Variants in POU2F1 observed in about 807,000 individuals in gnomAD.
The protein encoded by POU2F1 is POU domain, class 2, transcription factor 1.
Under a neutral mutation model 84.9 loss-of-function variants are expected in POU2F1, and 16 were observed. That is an observed-to-expected ratio of 0.19 (90% CI 0.13 to 0.29). The LOEUF is 0.29. Ranked by LOEUF, POU2F1 falls within the 10% of genes least tolerant of loss-of-function variation. The pLI is 1.00. For missense variants in POU2F1, 738 were observed against 942.6 expected (o/e 0.78, Z 2.84); for synonymous variants, 368 against 368.3 (o/e 1.00, Z 0.01).
In POU2F1 at chr1:167,371,894, A is replaced by T. The variant is rs932666119; in HGVS notation, c.283-23A>T. 7 of 1,613,896 alleles carry T rather than the reference A, an allele frequency of 4.3e-6. No homozygotes were observed. In the East Asian group the frequency reaches 1.6e-4, roughly 36 times the overall value. On this transcript the variant is annotated intron_variant, in intron 4 of 15. Transcript: ENST00000367866. ...TTTAATCAACCATTTGCAATCTTTT[A>T]TTTCCTACCCACCCCACCTCAGTCT...
chr1:167,402,111 T>G (rs561589831), intron 13 of POU2F1, among the ~76,000 whole-genome samples: 1 of 152,366 alleles, frequency 6.6e-6, no homozygotes, highest in African/African-American at 2.4e-5. Context: ...CATGACATAC[T>G]CACTATAAAA....
intron 9 of POU2F1, among the ~76,000 whole-genome samples, chr1:167,393,020 A>G (rs546042296): frequency 2.6e-5 from 4 of 152,352 alleles, no homozygotes; most frequent in Admixed American, 2.0e-4. Context: ...TTATTAAAGG[A>G]TTACCATGGC....
At position 167,239,454 on chromosome 1, in the gene POU2F1, G is replaced by T. The variant is rs988074597; in HGVS notation, c.61+18496G>T. On this transcript the variant is annotated intron_variant, in intron 1 of 15. Coordinates refer to ENST00000367866, the MANE Select transcript of POU2F1 (RefSeq NM_002697.4). ...TATGTAAAAGTGCTGTCCATGGGCAGCAGTTCAAGGGGTAATTTTAATTCG... is the reference window on the plus strand; with the variant it reads ...TATGTAAAAGTGCTGTCCATGGGCATCAGTTCAAGGGGTAATTTTAATTCG... Among the ~76,000 whole-genome samples, 17 of 152,294 alleles carry T rather than the reference G, an allele frequency of 1.1e-4. No homozygotes were observed. In the East Asian group the frequency reaches 3.3e-3, roughly 29 times the overall value.
Position 167,419,465 on chromosome 1 carries a change from G to A in POU2F1, c.*3655G>A, listed in dbSNP as rs1650512173. ...TGGTAATGGGTCCTCCCTAAGGAGT[G>A]GTGAATGTAATTGTGTGAATCCTGC... On this transcript the variant is annotated 3_prime_UTR_variant, in exon 16 of 16. Transcript: ENST00000367866. 1 of 152,160 alleles carries A rather than the reference G, an allele frequency of 6.6e-6. No homozygotes were observed. Among genetic ancestry groups the A allele is most frequent in the South Asian group, 2.1e-4 (1 of 4,828 alleles). The allele number at this position is 152,160 out of a possible 1,614,324, so 9.4% of individuals were successfully genotyped here. A position where few individuals can be genotyped will look rare whatever the true frequency, so the allele number is the denominator to read the frequency against.
At chr1:167,309,311 A>G (rs1352182944) in intron 1 of POU2F1, among the ~76,000 whole-genome samples, 1 of 152,188 alleles carries the variant, frequency 6.6e-6, no homozygotes, top group African/African-American at 2.4e-5. Context: ...ATATATTTTG[A>G]AAACCATTGA....
intron 2 of POU2F1, among the ~76,000 whole-genome samples, chr1:167,353,199 A>G (rs957782513): frequency 2.0e-5 from 3 of 152,182 alleles, no homozygotes; most frequent in African/African-American, 7.2e-5. Context: ...TTTTCATTGC[A>G]TATTTCCAGT....
chr1:167,270,247 A>G (rs1652274546), intron 1 of POU2F1, among the ~76,000 whole-genome samples: 1 of 152,190 alleles, frequency 6.6e-6, no homozygotes, highest in Non-Finnish European at 1.5e-5. Context: ...TTTGGTCCTA[A>G]GAATTTCTTA....
chr1:167,417,033 CT>C lies in POU2F1; in HGVS notation c.*1227del, dbSNP rs761616071. 6.6e-6 allele frequency: 1 copy of C among 152,166 alleles called. No homozygotes were observed. Among genetic ancestry groups the C allele is most frequent in the Non-Finnish European group, 1.5e-5 (1 of 68,016 alleles). The allele number at this position is 152,166 out of a possible 1,614,324, so 9.4% of individuals were successfully genotyped here. A position where few individuals can be genotyped will look rare whatever the true frequency, so the allele number is the denominator to read the frequency against. ...AAACTGACTTACTGAAATTGGGAAA[CT>C]TTTCCCTTCTTTTATTTTCTAAAGG... is the stretch of plus-strand genomic sequence containing the variant. On this transcript the variant is annotated 3_prime_UTR_variant, in exon 16 of 16. Coordinates refer to ENST00000367866, the MANE Select transcript of POU2F1 (RefSeq NM_002697.4).
chr1:167,412,893 AG>A, intron 14 of POU2F1, 132 bp from the exon 15 acceptor site: 1 of 684,378 alleles, frequency 1.5e-6, no homozygotes. Flanking sequence ...AAACCATAGA[AG>A]AGTAAAGAAA....
intron 1 of POU2F1, among the ~76,000 whole-genome samples, chr1:167,313,202 T>A (rs1033015785): frequency 6.6e-6 from 1 of 151,110 alleles, no homozygotes; most frequent in Non-Finnish European, 1.5e-5. Context: ...AAGGGAGAGA[T>A]ATATACTATA....
At chr1:167,267,621 T>G (rs1234309369) in intron 1 of POU2F1, among the ~76,000 whole-genome samples, 1 of 145,860 alleles carries the variant, frequency 6.9e-6, no homozygotes. Flanking sequence ...AGTATCACAG[T>G]TACTGTGTCT....
chr1:167,256,974 C>T (rs1446311995), intron 1 of POU2F1, among the ~76,000 whole-genome samples: 4 of 152,106 alleles, frequency 2.6e-5, no homozygotes, highest in Non-Finnish European at 4.4e-5. Flanking sequence ...TCTGGATGTG[C>T]TTGTGGAAAA....
intron 1 of POU2F1, among the ~76,000 whole-genome samples, chr1:167,311,771 C>CATTTATTTATTT (rs3059735): frequency 0.049 from 7,101 of 144,660 alleles, 199 homozygotes; most frequent in African/African-American, 0.055. Flanking sequence ...TACAAAAAAT[C>CATTTATTTATTT]ATTTATTTAT....
chr1:167,275,321 C>T (rs553358075), intron 1 of POU2F1, among the ~76,000 whole-genome samples: 2 of 151,826 alleles, frequency 1.3e-5, no homozygotes, highest in African/African-American at 2.4e-5. Context: ...CCACTGTGCC[C>T]GGCTGTAATA....
At chr1:167,322,320 A>G (rs1349656794) in intron 1 of POU2F1, among the ~76,000 whole-genome samples, 1 of 152,210 alleles carries the variant, frequency 6.6e-6, no homozygotes, top group African/African-American at 2.4e-5. Flanking sequence ...GAACAGAAGT[A>G]GATATAACAA....
At chr1:167,413,826 C>G (rs1191976151) in intron 15 of POU2F1, among the ~76,000 whole-genome samples, 2 of 152,000 alleles carry the variant, frequency 1.3e-5, no homozygotes, top group Non-Finnish European at 2.9e-5. Flanking sequence ...ATTTGAGAGA[C>G]ATCACTAATT....
chr1:167,285,962 C>G (rs1476271535), intron 1 of POU2F1, among the ~76,000 whole-genome samples: 5 of 151,934 alleles, frequency 3.3e-5, no homozygotes, highest in African/African-American at 4.8e-5. Flanking sequence ...TGGGCAGTTG[C>G]AGAAAATCAT....
intron 8 of POU2F1, among the ~76,000 whole-genome samples, chr1:167,387,807 T>C (rs1648091650): frequency 6.6e-6 from 1 of 152,158 alleles, no homozygotes; most frequent in Non-Finnish European, 1.5e-5. Flanking sequence ...CTTAAGTTTG[T>C]GTGATAAGAA....
intron 2 of POU2F1, among the ~76,000 whole-genome samples, chr1:167,364,699 G>A (rs1369458306): frequency 6.7e-6 from 1 of 149,862 alleles, no homozygotes; most frequent in East Asian, 2.0e-4. Context: ...CTCAGCCTCT[G>A]GAGTAGCTGG....
Sources: gnomAD v4.1 joint callset for allele counts (sites outside exome capture counted in the v4.1 genomes callset) on GRCh38, gnomAD v4.1.1 for gene constraint, MANE v1.5 for transcripts, NCBI Gene and HGNC (gene_info 2026-07-23, HGNC 2026-07-21) for gene names.